Variants in MYBPC1 observed in about 807,000 individuals in gnomAD.
The protein encoded by MYBPC1 is myosin binding protein C1, also known as myosin-binding protein C, slow-type.
MYBPC1 carries 52 observed loss-of-function variants against 147.1 expected under a neutral mutation model. The ratio of observed to expected loss-of-function variants is 0.35; its 90% CI spans 0.28 to 0.45. MYBPC1 has a LOEUF of 0.45. Among genes scored for constraint, MYBPC1 ranks in the 20% least tolerant of loss-of-function variants. The probability of loss-of-function intolerance (pLI) is 1.00; values close to 1 mark genes in which losing one functional copy is unlikely to be tolerated. For missense variants in MYBPC1, 1,228 were observed against 1,440.3 expected, an observed-to-expected ratio of 0.85 and a Z score of 2.39; for synonymous variants, 477 against 475.9, an observed-to-expected ratio of 1.00 and a Z score of -0.03.
chr12:101,634,081 T>C (rs1216987023), intron 8 of MYBPC1, among the ~76,000 whole-genome samples: 2 of 152,062 alleles, frequency 1.3e-5, no homozygotes, highest in East Asian at 1.9e-4. Flanking sequence ...CTTGTATTTT[T>C]AGTAGAGACG....
intron 4 of MYBPC1, 45 bp from the exon 5 acceptor site, chr12:101,627,724 C>T: frequency 1.9e-6 from 3 of 1,604,814 alleles, no homozygotes. Context: ...CATTTTCATC[C>T]CCTTTCCACC....
Position 101,677,220 on chromosome 12 carries a change from T to C in MYBPC1, c.2950-15T>C. On this transcript the variant is annotated splice_polypyrimidine_tract_variant and intron_variant, in intron 26 of 31. Transcript: ENST00000361466. ...TAGGTGATTTTCCTCCAGTTATTATTTTTTTTTCTTTTAGGAATGGTTTAC... is the reference window on the plus strand; with the variant it reads ...TAGGTGATTTTCCTCCAGTTATTATCTTTTTTTCTTTTAGGAATGGTTTAC... 6.2e-7 allele frequency: 1 copy of C among 1,610,212 alleles called. No homozygotes were observed. The highest frequency in any genetic ancestry group is 8.5e-7 in the Non-Finnish European group (1 of 1,176,980).
chr12:101,656,352 C>T (rs543383566), intron 18 of MYBPC1, among the ~76,000 whole-genome samples: 4 of 152,086 alleles, frequency 2.6e-5, no homozygotes, highest in East Asian at 3.9e-4. Flanking sequence ...CGAGCTATAC[C>T]AATATTTACT....
intron 2 of MYBPC1, 154 bp downstream of exon 2, chr12:101,614,685 A>C: frequency 1.3e-6 from 1 of 745,450 alleles, no homozygotes; most frequent in Non-Finnish European, 2.4e-6. Context: ...GTTGAGAATA[A>C]TAAAAATAAT....
chr12:101,663,663 C>A, intron 22 of MYBPC1, 103 bp downstream of exon 22: 2 of 1,331,246 alleles, frequency 1.5e-6, no homozygotes, highest in South Asian at 1.2e-5. Context: ...CACCTTCCTA[C>A]GAAAATAAGA....
chr12:101,621,004 A>C (rs1260600895), intron 3 of MYBPC1, among the ~76,000 whole-genome samples: 1 of 152,190 alleles, frequency 6.6e-6, no homozygotes, highest in Non-Finnish European at 1.5e-5. Context: ...TGTGACTGGC[A>C]GATGAGGAAG....
At chr12:101,634,703 C>G (rs1168297428) in intron 9 of MYBPC1, 98 bp downstream of exon 9, 10 of 1,000,062 alleles carry the variant, frequency 1.0e-5, no homozygotes, top group Non-Finnish European at 1.4e-5. Flanking sequence ...ATTCCAAATA[C>G]GAACAACACT....
At chr12:101,679,889 A>G (rs1333797292) in intron 28 of MYBPC1, among the ~76,000 whole-genome samples, 2 of 152,230 alleles carry the variant, frequency 1.3e-5, no homozygotes, top group Non-Finnish European at 2.9e-5. Context: ...TTTAATTTGA[A>G]AGTATTTAAT....
chr12:101,653,812 A>T (rs1241515915), intron 18 of MYBPC1, among the ~76,000 whole-genome samples: 2 of 152,168 alleles, frequency 1.3e-5, no homozygotes, highest in Non-Finnish European at 2.9e-5. Context: ...ATTGGGAGAA[A>T]TGCAAGTGAG....
chr12:101,681,320 A>G (rs1433704831), intron 29 of MYBPC1, among the ~76,000 whole-genome samples: 3 of 151,872 alleles, frequency 2.0e-5, no homozygotes, highest in Non-Finnish European at 4.4e-5. Flanking sequence ...AATAGGTGAC[A>G]TGATCCTAAT....
chr12:101,666,881 C>T (rs1897539731), intron 22 of MYBPC1: 2 of 917,562 alleles, frequency 2.2e-6, no homozygotes, highest in African/African-American at 1.8e-5. Context: ...ATGAAGAATA[C>T]TCATCACATA....
In MYBPC1 at chr12:101,678,005, T is replaced by G. The variant is rs1197710217; in HGVS notation, c.3110-97T>G. 5 of 1,428,658 alleles carry G rather than the reference T, an allele frequency of 3.5e-6. No homozygotes were observed. The African/African-American group carries it at 7.0e-5, about 20-fold the overall frequency. 88.5% of individuals were successfully genotyped at this position (1,428,658 alleles called of 1,614,324 possible). ...CATCTTTGTCCATGTTTTTCTAAGTTCAGGGAAGTTTTAATCATGTGTAAA... is the reference window on the plus strand; with the variant it reads ...CATCTTTGTCCATGTTTTTCTAAGTGCAGGGAAGTTTTAATCATGTGTAAA... On this transcript the variant is annotated intron_variant, in intron 27 of 31. Coordinates refer to ENST00000361466, the MANE Select transcript of MYBPC1 (RefSeq NM_002465.4).
At chr12:101,685,551 A>C in intron 31 of MYBPC1, 31 bp from the exon 32 acceptor site, 7 of 1,434,092 alleles carry the variant, frequency 4.9e-6, no homozygotes, top group Non-Finnish European at 6.6e-6. Flanking sequence ...GATGGTTTTG[A>C]TTTGTCTGTT....
At chr12:101,631,464 A>T (rs1889873420) in intron 6 of MYBPC1, 107 bp from the exon 7 acceptor site, 1 of 1,273,096 alleles carries the variant, frequency 7.9e-7, no homozygotes, top group Non-Finnish European at 1.1e-6. Flanking sequence ...CGAGGGCACC[A>T]ATCACACCAT....
At chr12:101,652,939 A>G (rs1045694540) in intron 17 of MYBPC1, among the ~76,000 whole-genome samples, 155 bp downstream of exon 17, 2 of 152,222 alleles carry the variant, frequency 1.3e-5, no homozygotes, top group Non-Finnish European at 2.9e-5. Flanking sequence ...GACTTATACC[A>G]ACACCTTACA....
Position 101,648,102 on chromosome 12 carries a change from G to C in MYBPC1, c.1148G>C (p.Arg383Thr), listed in dbSNP as rs747972508. Residue 383 changes from arginine (R) to threonine (T), a missense_variant, in exon 14 of 32, where the codon AGA becomes ACA. Arg to Thr is a moderately conservative substitution (Grantham distance 71, BLOSUM62 -1). Transcript: ENST00000361466. ...LEDTTAYCGE[R>T]VELECEVSED... is the part of the protein sequence containing the mutation. ...GATACAACTGCTTATTGTGGGGAGAGAGTGGAATTAGAATGTGAGGTGTCT... is the reference window on the plus strand; with the variant it reads ...GATACAACTGCTTATTGTGGGGAGACAGTGGAATTAGAATGTGAGGTGTCT... 5 of 1,613,126 alleles carry C rather than the reference G, an allele frequency of 3.1e-6. No homozygotes were observed. The highest frequency in any genetic ancestry group is 1.3e-5 in the African/African-American group (1 of 74,898).
intron 1 of MYBPC1, among the ~76,000 whole-genome samples, chr12:101,607,958 G>C (rs1449647489): frequency 6.6e-6 from 1 of 152,222 alleles, no homozygotes; most frequent in Non-Finnish European, 1.5e-5. Context: ...CATTTATGGA[G>C]TTACTGGGTC....
At chr12:101,650,511 C>T (rs992743146) in intron 15 of MYBPC1, among the ~76,000 whole-genome samples, 6 of 152,128 alleles carry the variant, frequency 3.9e-5, no homozygotes, top group Admixed American at 6.5e-5. Flanking sequence ...GCAAAAGTCC[C>T]TTATAAAACT....
chr12:101,667,092 A>G (rs553941832), intron 22 of MYBPC1, among the ~76,000 whole-genome samples: 1 of 152,376 alleles, frequency 6.6e-6, no homozygotes, highest in South Asian at 2.1e-4. Flanking sequence ...GATGTGATAC[A>G]CAAGCTGCCA....
Sources: gnomAD v4.1 joint callset for allele counts (sites outside exome capture counted in the v4.1 genomes callset) on GRCh38, gnomAD v4.1.1 for gene constraint, MANE v1.5 for transcripts, NCBI Gene and HGNC (gene_info 2026-07-23, HGNC 2026-07-21) for gene names.